SSH2: variants seen among roughly 807,000 people sequenced by gnomAD.
SSH2 encodes the protein slingshot protein phosphatase 2, also known as protein phosphatase Slingshot homolog 2.
SSH2 carries 37 observed loss-of-function variants against 135.2 expected under a neutral mutation model. The observed-to-expected ratio is 0.27, with a 90% CI of 0.21 to 0.36. The LOEUF (loss-of-function observed/expected upper bound fraction) is 0.36. Ranked by LOEUF, SSH2 falls within the 10% of genes least tolerant of loss-of-function variation. The pLI is 1.00. For missense variants in SSH2, 1,408 were observed against 1,765.3 expected (o/e 0.80, Z 3.63); for synonymous variants, 628 against 646.2 (o/e 0.97, Z 0.43).
At chr17:29,731,418 T>A (rs1034662792) in intron 3 of SSH2, among the ~76,000 whole-genome samples, 2 of 1,144 alleles carry the variant, frequency 1.7e-3, no homozygotes, top group Non-Finnish European at 9.9e-3. Context: ...AGAAGTATTT[T>A]TTATTTATTT....
intron 3 of SSH2, among the ~76,000 whole-genome samples, chr17:29,715,867 C>T (rs979661994): frequency 5.3e-5 from 8 of 152,196 alleles, no homozygotes; most frequent in Non-Finnish European, 1.2e-4. Flanking sequence ...TGACTTGACT[C>T]AGCGGGGCAC....
chr17:29,805,828 C>A, intron 2 of SSH2, among the ~76,000 whole-genome samples: 1 of 146,788 alleles, frequency 6.8e-6, no homozygotes, highest in Admixed American at 6.8e-5. Context: ...GCTAGGTAAC[C>A]AAGGAGAGCA....
chr17:29,796,025 G>A (rs777951127), intron 2 of SSH2, among the ~76,000 whole-genome samples: 8 of 152,312 alleles, frequency 5.3e-5, no homozygotes, highest in Admixed American at 2.0e-4. Flanking sequence ...TTATAGGCGT[G>A]AGCCACCGTG....
intron 8 of SSH2, chr17:29,676,020 C>T (rs1001588888): frequency 2.0e-5 from 3 of 152,086 alleles, no homozygotes; most frequent in Non-Finnish European, 4.4e-5. Flanking sequence ...TGTCCATATG[C>T]CAGCTGATGG....
intron 1 of SSH2, among the ~76,000 whole-genome samples, chr17:29,907,540 T>C (rs2066678468): frequency 6.6e-6 from 1 of 152,226 alleles, no homozygotes; most frequent in African/African-American, 2.4e-5. Context: ...AAAAAATACA[T>C]TGTCTATTTT....
chr17:29,879,434 T>C (rs1435856347), intron 1 of SSH2, among the ~76,000 whole-genome samples: 2 of 151,488 alleles, frequency 1.3e-5, no homozygotes, highest in Non-Finnish European at 2.9e-5. Flanking sequence ...CACAGCAAAA[T>C]TGAACAGAAG....
At chr17:29,704,703 TTA>T (rs2039128373) in intron 3 of SSH2, among the ~76,000 whole-genome samples, 1 of 127,050 alleles carries the variant, frequency 7.9e-6, no homozygotes, top group African/African-American at 3.7e-5. Flanking sequence ...ACTCTGTCTC[TTA>T]AAAAAAAAAA....
chr17:29,761,239 G>A (rs1161337342), intron 3 of SSH2: 4 of 1,289,540 alleles, frequency 3.1e-6, no homozygotes, highest in Non-Finnish European at 4.0e-6. Context: ...TGCAAGCGAG[G>A]GGCGCCTTCC....
chr17:29,907,818 CT>C (rs201612892), intron 1 of SSH2, among the ~76,000 whole-genome samples: 49,057 of 131,798 alleles, frequency 0.37, 8,677 homozygotes, highest in East Asian at 0.62. Context: ...CTGACAAAAC[CT>C]TTTTTTTTTT....
intron 1 of SSH2, among the ~76,000 whole-genome samples, chr17:29,867,461 G>C (rs933310322): frequency 1.3e-5 from 2 of 152,138 alleles, no homozygotes; most frequent in Non-Finnish European, 2.9e-5. Flanking sequence ...GACTATGAAA[G>C]TAAATTAGGT....
At position 29,849,839 on chromosome 17, in the gene SSH2, C is replaced by CA. The variant is rs1190678763; in HGVS notation, c.64-911dup. Among the ~76,000 whole-genome samples, 573 of 80,146 alleles carry CA rather than the reference C, an allele frequency of 7.1e-3. 4 individuals carry two copies. Among genetic ancestry groups the CA allele is most frequent in the Middle Eastern group, 0.028 (4 of 144 alleles). The allele number at this position is 80,146 out of a possible 152,430, so 52.6% of individuals were successfully genotyped here. A position where few individuals can be genotyped will look rare whatever the true frequency, so the allele number is the denominator to read the frequency against. On this transcript the variant is annotated intron_variant, in intron 1 of 15. Transcript: ENST00000540801. ...ACATAGTAAAACCCTGTCTGTACTA[C>CA]AAAAAAAAAAAAAAAAGTATATATA...
intron 6 of SSH2, among the ~76,000 whole-genome samples, chr17:29,683,934 C>T (rs1298702183): frequency 1.3e-5 from 2 of 151,988 alleles, no homozygotes; most frequent in South Asian, 2.1e-4. Flanking sequence ...GGCAGCAGAG[C>T]GAGACGCTGT....
chr17:29,754,833 A>AT (rs1293977976), intron 3 of SSH2, among the ~76,000 whole-genome samples: 1 of 151,998 alleles, frequency 6.6e-6, no homozygotes, highest in East Asian at 1.9e-4. Context: ...TGCCCAGCTA[A>AT]TTTTTTGTAA....
At chr17:29,908,361 C>T (rs1052503540) in intron 1 of SSH2, among the ~76,000 whole-genome samples, 2 of 151,918 alleles carry the variant, frequency 1.3e-5, no homozygotes, top group Non-Finnish European at 2.9e-5. Context: ...AGGAGGCTGA[C>T]GTAGGAGGAT....
At chr17:29,678,036 C>A (rs2037802478) in intron 6 of SSH2, among the ~76,000 whole-genome samples, 1 of 152,080 alleles carries the variant, frequency 6.6e-6, no homozygotes, top group Non-Finnish European at 1.5e-5. Flanking sequence ...ATGATTGCTG[C>A]TGACTTGCAT....
At position 29,742,491 on chromosome 17, in the gene SSH2, T is replaced by TG. The variant is rs1159409607; in HGVS notation, c.189-39430_189-39429insC. 6.1e-5 allele frequency among the ~76,000 whole-genome samples: 9 copies of TG among 146,830 alleles called. No homozygotes were observed. In the East Asian group the frequency reaches 1.6e-3, roughly 26 times the overall value. ...GTGCCACCACACCCAGTTTTTTTTT[T>TG]TTTTTTTTTCTTTTCAATTTTTTGT... On this transcript the variant is annotated intron_variant, in intron 3 of 15. Coordinates refer to ENST00000540801, the MANE Select transcript of SSH2 (RefSeq NM_001282129.2).
chr17:29,656,954 T>C (rs563018923), intron 11 of SSH2, among the ~76,000 whole-genome samples: 1 of 152,322 alleles, frequency 6.6e-6, no homozygotes, highest in Non-Finnish European at 1.5e-5. Context: ...TCACATTTAG[T>C]TGTCATGTCT....
intron 1 of SSH2, among the ~76,000 whole-genome samples, chr17:29,919,128 A>C (rs1220522282): frequency 6.6e-6 from 1 of 152,010 alleles, no homozygotes; most frequent in African/African-American, 2.4e-5. Flanking sequence ...CAATCTTTCT[A>C]CTTCTACTGT....
chr17:29,692,957 T>C (rs2038550627), intron 5 of SSH2, among the ~76,000 whole-genome samples: 1 of 152,182 alleles, frequency 6.6e-6, no homozygotes, highest in African/African-American at 2.4e-5. Flanking sequence ...AATCATTGCT[T>C]CAGATGATGA....
Sources: allele counts gnomAD v4.1 joint callset (sites outside exome capture counted in the v4.1 genomes callset), GRCh38; gene constraint gnomAD v4.1.1; transcripts MANE v1.5; gene names NCBI Gene and HGNC (gene_info 2026-07-23, HGNC 2026-07-21).